NFASC: variants seen among roughly 807,000 people sequenced by gnomAD.
NFASC encodes neurofascin.
A neutral mutation model predicts 147.5 loss-of-function variants in NFASC; 43 were observed. The observed-to-expected ratio is 0.29, with a 90% CI of 0.23 to 0.38. NFASC has a LOEUF of 0.38. Among genes scored for constraint, NFASC ranks in the 10% least tolerant of loss-of-function variants. The pLI is 1.00. For synonymous variants in NFASC, 622 were observed against 665.5 expected (o/e 0.93, Z 1.01); for missense variants, 1,320 against 1,689.0 (o/e 0.78, Z 3.83).
rs143918138 is a variant in NFASC at position 204,901,850 on chromosome 1, G to A, written c.-199-18782G>A. 1.3e-3 allele frequency among the ~76,000 whole-genome samples: 195 copies of A among 152,240 alleles called. 1 individual carries two copies. Among genetic ancestry groups the A allele is most frequent in the African/African-American group, 4.2e-3 (176 of 41,534 alleles). On this transcript the variant is annotated intron_variant, in intron 1 of 29. Coordinates refer to ENST00000339876, the MANE Select transcript of NFASC (RefSeq NM_001005388.3). ...CAGAGCACTGTCCCTGGAGCAGACA[G>A]CTCACCCGCGGTAATGGAGAGAAGG...
chr1:204,978,123 A>G (rs1418992708), intron 17 of NFASC, among the ~76,000 whole-genome samples: 3 of 152,052 alleles, frequency 2.0e-5, no homozygotes, highest in African/African-American at 2.4e-5. Context: ...TCCATTTACA[A>G]TCTACACACA....
At chr1:204,852,582 G>A (rs532207706) in intron 1 of NFASC, among the ~76,000 whole-genome samples, 10 of 152,400 alleles carry the variant, frequency 6.6e-5, no homozygotes, top group African/African-American at 2.2e-4. Context: ...TGTTTAAGCA[G>A]AGGCTGGTTG....
intron 1 of NFASC, among the ~76,000 whole-genome samples, chr1:204,906,443 G>A (rs563154399): frequency 1.2e-4 from 18 of 152,126 alleles, no homozygotes; most frequent in African/African-American, 3.6e-4. Context: ...CTAGAATGTC[G>A]TATAAATGAG....
chr1:204,894,986 G>T (rs2083121120), intron 1 of NFASC, among the ~76,000 whole-genome samples: 1 of 152,194 alleles, frequency 6.6e-6, no homozygotes, highest in South Asian at 2.1e-4. Context: ...AGAGAAGGGA[G>T]CATTGAGGGG....
chr1:204,899,439 C>T (rs116735085), intron 1 of NFASC, among the ~76,000 whole-genome samples: 2,047 of 152,302 alleles, frequency 0.013, 42 homozygotes, highest in African/African-American at 0.045. Context: ...CTCCTTTCCC[C>T]CAGTCCAAGC....
At chr1:204,845,510 G>A (rs1057030994) in intron 1 of NFASC, among the ~76,000 whole-genome samples, 10 of 152,054 alleles carry the variant, frequency 6.6e-5, no homozygotes, top group Non-Finnish European at 1.5e-4. Flanking sequence ...GGCTGGTTGA[G>A]ACCACAGAAG....
chr1:204,906,859 AT>A (rs1160728605), intron 1 of NFASC, among the ~76,000 whole-genome samples: 1 of 151,880 alleles, frequency 6.6e-6, no homozygotes, highest in Non-Finnish European at 1.5e-5. Flanking sequence ...AATTTTTTGT[AT>A]TTTTAGTAGA....
Position 204,975,374 on chromosome 1 carries a change from C to T in NFASC, c.1662C>T (p.Thr554=), listed in dbSNP as rs200842368. 6.2e-6 allele frequency: 10 copies of T among 1,614,108 alleles called. No homozygotes were observed. The highest frequency in any genetic ancestry group is 4.0e-5 in the African/African-American group (3 of 75,032). Residue 554 remains threonine, a synonymous_variant, in exon 15 of 30, where the codon ACC becomes ACT. Coordinates refer to ENST00000339876, the MANE Select transcript of NFASC (RefSeq NM_001005388.3). This position sits in a 1 kb window ranked among gnomAD's most constrained non-coding sequence, Gnocchi z 4.0. Reference sequence around the variant, plus strand: ...AGCACGACCCCTCCCTGAAACTCACCGTCTCCTGGCTGAAGGATGACGAGC... The same window carrying T: ...AGCACGACCCCTCCCTGAAACTCACTGTCTCCTGGCTGAAGGATGACGAGC... The part of the protein sequence containing the change: ...RVKHDPSLKL[T]VSWLKDDEPL...
intron 1 of NFASC, among the ~76,000 whole-genome samples, chr1:204,857,120 C>G (rs2076222150): frequency 6.6e-6 from 1 of 152,224 alleles, no homozygotes; most frequent in Non-Finnish European, 1.5e-5. Context: ...TTTCTAGAGG[C>G]TGCACCATGT....
chr1:204,939,038 ATGTGTGTGTGTGTGTGTGTG>A (rs60166382), intron 2 of NFASC, among the ~76,000 whole-genome samples: 5 of 123,668 alleles, frequency 4.0e-5, no homozygotes, highest in African/African-American at 1.2e-4. Flanking sequence ...GTATGGATGG[ATGTGTGTGTGTGTGTGTGTG>A]TGTGTGTGTG....
At chr1:205,008,814 G>T (rs78227675) in intron 27 of NFASC, 3,644 of 153,512 alleles carry the variant, frequency 0.024, 134 homozygotes, top group African/African-American at 0.083. Flanking sequence ...CCACCGGGGG[G>T]GTCACCCTGT....
Position 205,021,891 on chromosome 1 carries a change from G to A in NFASC, c.*5352G>A, listed in dbSNP as rs1218374173. 2 of 152,696 alleles carry A rather than the reference G, an allele frequency of 1.3e-5. No individual in the cohort carries two copies. The highest frequency in any genetic ancestry group is 2.9e-5 in the Non-Finnish European group (2 of 68,070). 9.5% of individuals were successfully genotyped at this position (152,696 alleles called of 1,614,324 possible). On this transcript the variant is annotated 3_prime_UTR_variant, in exon 30 of 30. Transcript: ENST00000339876. ...GGAATAGGATAGCTGATTGGTGTTT[G>A]TTACTGTGAACCCTAGACCGTACCC...
At chr1:205,012,928 C>A in intron 29 of NFASC, 62 bp downstream of exon 29, 2 of 1,207,802 alleles carry the variant, frequency 1.7e-6, no homozygotes, top group Non-Finnish European at 2.5e-6. Context: ...AGGCACCACC[C>A]TCCCCTCAGA....
chr1:204,959,588 TGAGCCTG>T (rs2094574242), intron 8 of NFASC, among the ~76,000 whole-genome samples: 1 of 152,228 alleles, frequency 6.6e-6, no homozygotes, highest in African/African-American at 2.4e-5. Context: ...CTCGCTGAGC[TGAGCCTG>T]GACAGCCATC....
chr1:204,836,768 A>G (rs886298531), intron 1 of NFASC, among the ~76,000 whole-genome samples: 1 of 152,262 alleles, frequency 6.6e-6, no homozygotes, highest in Non-Finnish European at 1.5e-5. Context: ...GAAACTGGAT[A>G]TCTTTCCGAT....
chr1:204,919,404 T>C (rs916956922), intron 1 of NFASC, among the ~76,000 whole-genome samples: 2 of 152,190 alleles, frequency 1.3e-5, no homozygotes, highest in African/African-American at 2.4e-5. Flanking sequence ...GCATATATAT[T>C]TTTGCATTCC....
intron 8 of NFASC, among the ~76,000 whole-genome samples, chr1:204,962,341 G>C (rs1225474607): frequency 6.6e-6 from 1 of 152,216 alleles, no homozygotes; most frequent in East Asian, 1.9e-4. Flanking sequence ...GGCTCACCTG[G>C]TGGTGTGGTC....
intron 2 of NFASC, among the ~76,000 whole-genome samples, chr1:204,923,580 C>G (rs1431717229): frequency 6.6e-6 from 1 of 152,204 alleles, no homozygotes; most frequent in African/African-American, 2.4e-5. Flanking sequence ...GGCCTCCTCT[C>G]TCCAGAAACA....
At chr1:204,999,785 A>T (rs938917898) in intron 25 of NFASC, 3 of 152,248 alleles carry the variant, frequency 2.0e-5, no homozygotes, top group African/African-American at 7.2e-5. Context: ...CTGCAGGCTC[A>T]GTCACATGTC....
Sources: allele counts gnomAD v4.1 joint callset (sites outside exome capture counted in the v4.1 genomes callset), GRCh38; gene constraint gnomAD v4.1.1; non-coding constraint Gnocchi (gnomAD v3.1); transcripts MANE v1.5; gene names NCBI Gene and HGNC (gene_info 2026-07-23, HGNC 2026-07-21).